The following CDH12 variants were observed in gnomAD, a reference collection of about 807,000 sequenced individuals.
CDH12 encodes the protein cadherin-12.
Under a neutral mutation model 74.1 loss-of-function variants are expected in CDH12, and 41 were observed. That is an observed-to-expected ratio of 0.55 (90% CI 0.43 to 0.72). The LOEUF is 0.72. Ranked by LOEUF, CDH12 falls within the 30% of genes least tolerant of loss-of-function variation. CDH12 has a pLI of 0.00. For missense variants in CDH12, 945 were observed against 977.2 expected, an observed-to-expected ratio of 0.97 and a Z score of 0.44; for synonymous variants, 399 against 355.0, an observed-to-expected ratio of 1.12 and a Z score of -1.39.
chr5:22,223,308 T>C (rs1752082275), intron 3 of CDH12, among the ~76,000 whole-genome samples: 1 of 152,074 alleles, frequency 6.6e-6, no homozygotes, highest in Non-Finnish European at 1.5e-5. Flanking sequence ...GTCTGTCAAG[T>C]TGCTCTATAA....
intron 5 of CDH12, among the ~76,000 whole-genome samples, chr5:22,015,918 T>A (rs1445358590): frequency 6.6e-6 from 1 of 152,198 alleles, no homozygotes; most frequent in African/African-American, 2.4e-5. Context: ...AATTAGTAAT[T>A]ATTTTTTAAA....
intron 3 of CDH12, among the ~76,000 whole-genome samples, chr5:22,261,035 C>T: frequency 6.7e-6 from 1 of 148,558 alleles, no homozygotes; most frequent in East Asian, 2.0e-4. Context: ...TACATACTAC[C>T]TAAGACTATA....
At chr5:22,245,865 C>G (rs1752927298) in intron 3 of CDH12, among the ~76,000 whole-genome samples, 1 of 152,028 alleles carries the variant, frequency 6.6e-6, no homozygotes, top group Non-Finnish European at 1.5e-5. Context: ...CTTTATTACC[C>G]TCTTATTCAT....
intron 5 of CDH12, among the ~76,000 whole-genome samples, chr5:22,021,688 TTCA>T (rs1290499744): frequency 6.6e-6 from 1 of 152,190 alleles, no homozygotes; most frequent in African/African-American, 2.4e-5. Flanking sequence ...TTAGATGATT[TTCA>T]TTCAATTGGA....
At chr5:22,789,494 G>A (rs559000099) in intron 1 of CDH12, among the ~76,000 whole-genome samples, 29 of 152,108 alleles carry the variant, frequency 1.9e-4, no homozygotes, top group Admixed American at 1.3e-4. Context: ...ATGTTAATGC[G>A]AATATTTCCA....
At chr5:22,659,960 T>C (rs1740261313) in intron 1 of CDH12, among the ~76,000 whole-genome samples, 1 of 152,176 alleles carries the variant, frequency 6.6e-6, no homozygotes. Flanking sequence ...AATTTTATCA[T>C]ATGTTCAATC....
chr5:22,175,708 C>T (rs1477768590), intron 4 of CDH12, among the ~76,000 whole-genome samples: 1 of 152,028 alleles, frequency 6.6e-6, no homozygotes, highest in Non-Finnish European at 1.5e-5. Context: ...CAACAGAAAG[C>T]GTGAATGCTG....
chr5:22,523,912 T>C (rs1240743286), intron 1 of CDH12, among the ~76,000 whole-genome samples: 1 of 152,084 alleles, frequency 6.6e-6, no homozygotes, highest in Non-Finnish European at 1.5e-5. Flanking sequence ...AAAACCACTG[T>C]CCAAATTCTC....
intron 4 of CDH12, among the ~76,000 whole-genome samples, chr5:22,179,103 T>C (rs1228352188): frequency 6.6e-6 from 1 of 152,214 alleles, no homozygotes; most frequent in Non-Finnish European, 1.5e-5. Context: ...GAAAGAAGTA[T>C]TGGCACATAA....
chr5:22,144,824 A>AT (rs1747051779), intron 4 of CDH12, among the ~76,000 whole-genome samples: 1 of 152,162 alleles, frequency 6.6e-6, no homozygotes, highest in Non-Finnish European at 1.5e-5. Context: ...TTGAATATTA[A>AT]TTTAAATTAC....
intron 6 of CDH12, among the ~76,000 whole-genome samples, chr5:21,873,874 G>GGTATTTGGTTTTCTGTTCCTGC (rs146258055): frequency 6.6e-6 from 1 of 151,506 alleles, no homozygotes; most frequent in Non-Finnish European, 1.5e-5. Flanking sequence ...GAGAACATGC[G>GGTATTTGGTTTTCTGTTCCTGC]GTTACTTTTC....
intron 1 of CDH12, among the ~76,000 whole-genome samples, chr5:22,823,402 G>A (rs188687995): frequency 1.3e-5 from 2 of 151,830 alleles, no homozygotes; most frequent in Admixed American, 6.6e-5. Context: ...TTAAAAAAAT[G>A]GGAGTTGCCA....
intron 5 of CDH12, among the ~76,000 whole-genome samples, 153 bp from the exon 6 acceptor site, chr5:21,975,538 C>T (rs2547628): frequency 1.3e-5 from 2 of 152,170 alleles, no homozygotes; most frequent in African/African-American, 2.4e-5. Context: ...TCTGTTTTCT[C>T]GTTTTTTATT....
chr5:21,880,642 T>C (rs1752275878), intron 6 of CDH12, among the ~76,000 whole-genome samples: 2 of 122,068 alleles, frequency 1.6e-5, no homozygotes, highest in African/African-American at 6.1e-5. Flanking sequence ...TTTCTTTCTT[T>C]CTTTCTTTCT....
At chr5:21,973,370 C>T (rs186506824) in intron 6 of CDH12, among the ~76,000 whole-genome samples, 1 of 152,282 alleles carries the variant, frequency 6.6e-6, no homozygotes, top group Admixed American at 6.5e-5. Context: ...TATGACAACA[C>T]AGTAAATTAT....
intron 1 of CDH12, among the ~76,000 whole-genome samples, chr5:22,637,525 A>T (rs1478945182): frequency 6.6e-6 from 1 of 152,254 alleles, no homozygotes; most frequent in African/African-American, 2.4e-5. Flanking sequence ...ACAGGACAAA[A>T]GTACTCCTTT....
chr5:21,924,260 G>T (rs1276196047), intron 6 of CDH12, among the ~76,000 whole-genome samples: 2 of 152,218 alleles, frequency 1.3e-5, no homozygotes, highest in East Asian at 1.9e-4. Flanking sequence ...GGGCACGGTG[G>T]TTCACGCCTG....
chr5:22,601,645 T>C (rs772433855), intron 1 of CDH12, among the ~76,000 whole-genome samples: 1 of 152,048 alleles, frequency 6.6e-6, no homozygotes, highest in African/African-American at 2.4e-5. Context: ...TCAATTATTT[T>C]TAAGTTATCG....
chr5:22,297,964 ATT>A (rs916935645), intron 3 of CDH12, among the ~76,000 whole-genome samples: 6 of 151,798 alleles, frequency 4.0e-5, no homozygotes, highest in Non-Finnish European at 8.8e-5. Context: ...ACTTAATTTA[ATT>A]TTTATATTTC....
Sources: allele counts gnomAD v4.1 joint callset (sites outside exome capture counted in the v4.1 genomes callset), GRCh38; gene constraint gnomAD v4.1.1; transcripts MANE v1.5; gene names NCBI Gene and HGNC (gene_info 2026-07-23, HGNC 2026-07-21).